The following INSL6 variants were observed in gnomAD, a reference collection of about 807,000 sequenced individuals.
The protein encoded by INSL6 is insulin-like peptide INSL6.
Under a neutral mutation model 9.4 loss-of-function variants are expected in INSL6, and 16 were observed. That is an observed-to-expected ratio of 1.70 (90% CI 1.15 to 2.59). The LOEUF is 2.59. Among genes scored for constraint, INSL6 ranks in the 30% most tolerant of loss-of-function variants. INSL6 has a pLI of 0.00. For synonymous variants in INSL6, 154 were observed against 96.9 expected (o/e 1.59, Z -3.46); for missense variants, 391 against 257.3 (o/e 1.52, Z -3.56).
the INSL6 span, among the ~76,000 whole-genome samples, chr9:5,038,622 G>A: frequency 6.8e-6 from 1 of 147,670 alleles, no homozygotes. Context: ...TTGGATTTTA[G>A]AATATTTGCA....
the INSL6 span, among the ~76,000 whole-genome samples, chr9:5,081,480 A>G: frequency 1.3e-5 from 2 of 152,192 alleles, no homozygotes; most frequent in African/African-American, 4.8e-5. Flanking sequence ...ACCTTACTTT[A>G]TGAATACTAA....
downstream of INSL6, among the ~76,000 whole-genome samples, chr9:5,159,872 C>G (rs369519417): frequency 6.6e-6 from 1 of 152,168 alleles, no homozygotes; most frequent in Admixed American, 6.5e-5. Context: ...GGCTCATCCT[C>G]GAGAATAGAC....
chr9:5,066,750 T>A, the INSL6 span: 4 of 1,578,564 alleles, frequency 2.5e-6, no homozygotes, highest in African/African-American at 5.5e-5. Context: ...GATGCAGTCC[T>A]AAGGACTTTA....
chr9:5,044,416 C>T, the INSL6 span: 57 of 1,609,094 alleles, frequency 3.5e-5, no homozygotes, highest in Non-Finnish European at 4.4e-5. Context: ...TTACTTTCCT[C>T]GTTGGTATTG....
downstream of INSL6, among the ~76,000 whole-genome samples, chr9:5,120,388 T>G (rs1823524962): frequency 6.6e-6 from 1 of 152,256 alleles, no homozygotes; most frequent in African/African-American, 2.4e-5. Flanking sequence ...CTGAAAGAAC[T>G]CAATTTTTAT....
the INSL6 span, chr9:5,091,628 T>C: frequency 6.6e-6 from 1 of 152,154 alleles, no homozygotes; most frequent in East Asian, 1.9e-4. Flanking sequence ...TAGTAGAGTT[T>C]AGGCCTTTTT....
At chr9:5,122,985 G>A (rs1823729721), downstream of INSL6, 2 of 1,498,030 alleles carry the variant, frequency 1.3e-6, no homozygotes, top group Admixed American at 1.8e-5. Context: ...TCTTTTAAAT[G>A]TTATTCATAT....
At chr9:5,177,677 C>T (rs190760887) in intron 1 of INSL6, among the ~76,000 whole-genome samples, 4 of 152,324 alleles carry the variant, frequency 2.6e-5, no homozygotes, top group African/African-American at 9.6e-5. Flanking sequence ...GGAATTCCAG[C>T]CACCCAAAGC....
chr9:5,125,139 C>T (rs893408526), intron 3 of INSL6, among the ~76,000 whole-genome samples: 1 of 151,114 alleles, frequency 6.6e-6, no homozygotes, highest in Non-Finnish European at 1.5e-5. Context: ...AATGCAATTA[C>T]TCAGAGAAGA....
At chr9:5,170,433 A>G (rs532048318) in intron 1 of INSL6, among the ~76,000 whole-genome samples, 1 of 152,272 alleles carries the variant, frequency 6.6e-6, no homozygotes, top group Non-Finnish European at 1.5e-5. Context: ...GTCACAACCA[A>G]AAGAAGTAGA....
the INSL6 span, chr9:5,073,612 C>A: frequency 1.0e-6 from 1 of 972,792 alleles, no homozygotes; most frequent in South Asian, 1.4e-5. Context: ...GGAGAAAGTG[C>A]ATCTTTATTA....
intron 1 of INSL6, among the ~76,000 whole-genome samples, chr9:5,169,704 C>T (rs1156327491): frequency 6.6e-6 from 1 of 152,014 alleles, no homozygotes; most frequent in African/African-American, 2.4e-5. Flanking sequence ...AAACAGAAAA[C>T]AGCAAGGGTT....
the INSL6 span, among the ~76,000 whole-genome samples, chr9:5,020,428 TG>T: frequency 6.6e-6 from 1 of 152,090 alleles, no homozygotes; most frequent in South Asian, 2.1e-4. Context: ...TAGCAGGTGC[TG>T]TTTGTGGTGG....
At chr9:5,113,677 G>T in the INSL6 span, 1 of 165,558 alleles carries the variant, frequency 6.0e-6, no homozygotes, top group South Asian at 1.7e-4. Context: ...CTGTGACCTG[G>T]GACACAGGCT....
At chr9:5,127,583 A>AT (rs1221067402) in intron 3 of INSL6, 2 of 231,518 alleles carry the variant, frequency 8.6e-6, no homozygotes, top group South Asian at 3.6e-4. Flanking sequence ...CTATCTCCAA[A>AT]TTTTTCTAAG....
the INSL6 span, among the ~76,000 whole-genome samples, chr9:5,019,340 AT>A: frequency 6.6e-6 from 1 of 151,900 alleles, no homozygotes; most frequent in Non-Finnish European, 1.5e-5. Context: ...TGTATTTTTT[AT>A]TTCATTAAAT....
the INSL6 span, among the ~76,000 whole-genome samples, chr9:5,071,803 A>G: frequency 6.6e-6 from 1 of 152,198 alleles, no homozygotes; most frequent in African/African-American, 2.4e-5. Flanking sequence ...GACTAACATT[A>G]CAAATCTAAT....
At chr9:5,148,674 G>C (rs768506371) in intron 2 of INSL6, among the ~76,000 whole-genome samples, 1 of 152,148 alleles carries the variant, frequency 6.6e-6, no homozygotes, top group Non-Finnish European at 1.5e-5. Context: ...CCCAATTCAA[G>C]TGTCCAGCAG....
the INSL6 span, among the ~76,000 whole-genome samples, chr9:5,075,894 G>C: frequency 6.6e-6 from 1 of 152,276 alleles, no homozygotes; most frequent in East Asian, 1.9e-4. Flanking sequence ...TAGATGCCAG[G>C]AATAGCATTC....
Sources: gnomAD v4.1 joint callset for allele counts (sites outside exome capture counted in the v4.1 genomes callset) on GRCh38, gnomAD v4.1.1 for gene constraint, MANE v1.5 for transcripts, NCBI Gene and HGNC (gene_info 2026-07-23, HGNC 2026-07-21) for gene names.